USP34: variants seen among roughly 807,000 people sequenced by gnomAD.
USP34 encodes the protein ubiquitin specific peptidase 34, also known as ubiquitin carboxyl-terminal hydrolase 34.
In USP34, 70 loss-of-function variants were observed where a neutral mutation model predicts 460.3. That is an observed-to-expected ratio of 0.15 (90% CI 0.13 to 0.19). The LOEUF is 0.19. Ranked by LOEUF, USP34 falls within the 10% of genes least tolerant of loss-of-function variation. The pLI, the probability that USP34 is intolerant of heterozygous loss-of-function variation, is 1.00. For synonymous variants in USP34, 1,647 were observed against 1,405.3 expected (o/e 1.17, Z -3.85); for missense variants, 3,985 against 4,236.2 (o/e 0.94, Z 1.65).
chr2:61,205,534 A>G (rs902978005), intron 72 of USP34, among the ~76,000 whole-genome samples: 1 of 152,220 alleles, frequency 6.6e-6, no homozygotes, highest in Non-Finnish European at 1.5e-5. Flanking sequence ...AAAAATCACT[A>G]TAAATTTATA....
chr2:61,384,868 G>C (rs1024704461), intron 5 of USP34, among the ~76,000 whole-genome samples: 5 of 151,864 alleles, frequency 3.3e-5, no homozygotes, highest in Non-Finnish European at 5.9e-5. Context: ...GAAGGACCTA[G>C]ACAATATAAG....
At chr2:61,275,999 A>G (rs1484205526) in intron 41 of USP34, among the ~76,000 whole-genome samples, 2 of 152,268 alleles carry the variant, frequency 1.3e-5, no homozygotes, top group South Asian at 2.1e-4. Flanking sequence ...GACATATTCA[A>G]AATAAATAAC....
chr2:61,189,315 A>G, intron 78 of USP34: 1 of 359,340 alleles, frequency 2.8e-6, no homozygotes, highest in Non-Finnish European at 4.9e-6. Context: ...GTTCTTTGGC[A>G]AGGCTGGAGT....
At chr2:61,380,126 A>C (rs1381014048) in intron 7 of USP34, 43 bp downstream of exon 7, 1 of 1,569,448 alleles carries the variant, frequency 6.4e-7, no homozygotes, top group Non-Finnish European at 8.7e-7. Context: ...ATAGACCAGA[A>C]AACAAATAAA....
intron 5 of USP34, among the ~76,000 whole-genome samples, chr2:61,393,515 G>A (rs1179150439): frequency 2.0e-5 from 3 of 151,668 alleles, no homozygotes; most frequent in African/African-American, 7.3e-5. Flanking sequence ...AGAATGGGTG[G>A]AATTTTTTAA....
chr2:61,241,078 T>C (rs765488164), intron 53 of USP34, among the ~76,000 whole-genome samples: 11 of 152,068 alleles, frequency 7.2e-5, no homozygotes, highest in Admixed American at 7.2e-4. Flanking sequence ...GGAGTCTTGC[T>C]CTGTCACCCA....
intron 30 of USP34, among the ~76,000 whole-genome samples, chr2:61,295,753 A>G (rs1005234362): frequency 2.6e-5 from 4 of 152,240 alleles, no homozygotes; most frequent in African/African-American, 9.6e-5. Context: ...TTGAAATGCT[A>G]TTACTAGTGC....
chr2:61,227,481 C>T (rs984765813), intron 61 of USP34, among the ~76,000 whole-genome samples: 1 of 152,110 alleles, frequency 6.6e-6, no homozygotes, highest in Non-Finnish European at 1.5e-5. Flanking sequence ...AAGGCTGAGG[C>T]GGGTGGATCA....
chr2:61,219,695 A>G (rs1041512580), intron 67 of USP34, among the ~76,000 whole-genome samples: 1 of 151,956 alleles, frequency 6.6e-6, no homozygotes, highest in African/African-American at 2.4e-5. Flanking sequence ...AAAATTCAAC[A>G]TCTGGATACC....
At chr2:61,309,468 T>C (rs1191795232) in intron 27 of USP34, among the ~76,000 whole-genome samples, 12 of 152,180 alleles carry the variant, frequency 7.9e-5, no homozygotes, top group Admixed American at 7.9e-4. Context: ...GTAAGATCAG[T>C]GTGACTTTGG....
intron 61 of USP34, among the ~76,000 whole-genome samples, 167 bp downstream of exon 61, chr2:61,228,478 C>A (rs1014055030): frequency 6.6e-6 from 1 of 152,142 alleles, no homozygotes; most frequent in Non-Finnish European, 1.5e-5. Context: ...CTTGCTATAT[C>A]CATTAAAATT....
intron 44 of USP34, 55 bp from the exon 45 acceptor site, chr2:61,257,405 G>T: frequency 1.4e-6 from 2 of 1,449,758 alleles, no homozygotes; most frequent in Non-Finnish European, 1.8e-6. Context: ...GAAAATTATA[G>T]GTTCTTCAAT....
chr2:61,303,390 T>A (rs1200288664), intron 27 of USP34, among the ~76,000 whole-genome samples: 1 of 152,014 alleles, frequency 6.6e-6, no homozygotes, highest in Non-Finnish European at 1.5e-5. Flanking sequence ...ATCTTAAAAT[T>A]GCTATTATAT....
intron 47 of USP34, 48 bp from the exon 48 acceptor site, chr2:61,256,526 T>C: frequency 1.4e-6 from 2 of 1,405,324 alleles, no homozygotes; most frequent in African/African-American, 1.5e-5. Flanking sequence ...GTTTATAGCA[T>C]GCAAATATAC....
At position 61,193,033 on chromosome 2, in the gene USP34, A is replaced by C. The variant is rs948499810; in HGVS notation, c.9509-53T>G. 1.5e-5 allele frequency: 21 copies of C among 1,405,420 alleles called. No homozygotes were observed. The South Asian group carries it at 2.5e-4, about 17-fold the overall frequency. 87.1% of individuals were successfully genotyped at this position (1,405,420 alleles called of 1,614,324 possible). A position where few individuals can be genotyped will look rare whatever the true frequency, so the allele number is the denominator to read the frequency against. On this transcript the variant is annotated intron_variant, in intron 75 of 79. Coordinates refer to ENST00000398571, the MANE Select transcript of USP34 (RefSeq NM_014709.4). ...GTTATAATTATAAATTATACTAGTG[A>C]GATACTCAACTCTGCAGGTACAATA...
intron 10 of USP34, among the ~76,000 whole-genome samples, chr2:61,364,293 T>C (rs1572970189): frequency 6.6e-6 from 1 of 152,230 alleles, no homozygotes; most frequent in African/African-American, 2.4e-5. Flanking sequence ...GCCCAGGAGT[T>C]TTGAGGCTGC....
chr2:61,252,949 T>C (rs1264994828), intron 48 of USP34, among the ~76,000 whole-genome samples: 8 of 152,244 alleles, frequency 5.3e-5, no homozygotes, highest in Admixed American at 5.2e-4. Flanking sequence ...CCAATGCTTT[T>C]ATTCAGCTGT....
intron 53 of USP34, among the ~76,000 whole-genome samples, chr2:61,238,116 G>C (rs1688125829): frequency 6.6e-6 from 1 of 151,578 alleles, no homozygotes; most frequent in Non-Finnish European, 1.5e-5. Context: ...GGCTGGTCTC[G>C]AACTGCTGAC....
chr2:61,368,425 C>T (rs1314578801), intron 10 of USP34, among the ~76,000 whole-genome samples: 2 of 151,278 alleles, frequency 1.3e-5, no homozygotes, highest in South Asian at 2.1e-4. Flanking sequence ...GAGCAAGACT[C>T]CATCTCAAAA....
Sources: allele counts gnomAD v4.1 joint callset (sites outside exome capture counted in the v4.1 genomes callset), GRCh38; gene constraint gnomAD v4.1.1; transcripts MANE v1.5; gene names NCBI Gene and HGNC (gene_info 2026-07-23, HGNC 2026-07-21).